The following CDKN2B-AS1 variants were observed in gnomAD, a reference collection of about 807,000 sequenced individuals.
The protein encoded by CDKN2B-AS1 is CDKN2B antisense RNA 1 (non-protein coding).
intron 1 of CDKN2B-AS1, among the ~76,000 whole-genome samples, chr9:22,022,391 C>G (rs1463231641): frequency 6.6e-6 from 1 of 151,940 alleles, no homozygotes; most frequent in African/African-American, 2.4e-5. Context: ...GAATTGAACC[C>G]TTTACCATTA....
chr9:22,125,445 C>G (rs1386490362), intron 4 of CDKN2B-AS1, among the ~76,000 whole-genome samples: 8 of 152,196 alleles, frequency 5.3e-5, no homozygotes. Flanking sequence ...TCATTTCATT[C>G]CAAATTTATG....
intron 4 of CDKN2B-AS1, among the ~76,000 whole-genome samples, chr9:22,105,829 G>C (rs942571648): frequency 6.6e-6 from 1 of 152,218 alleles, no homozygotes; most frequent in African/African-American, 2.4e-5. Flanking sequence ...AACAGATTAG[G>C]AGCATGATGT....
intron 3 of CDKN2B-AS1, among the ~76,000 whole-genome samples, chr9:22,053,624 C>G (rs1225502137): frequency 6.6e-6 from 1 of 152,180 alleles, no homozygotes; most frequent in Non-Finnish European, 1.5e-5. Flanking sequence ...TGACTTCTTT[C>G]TACCACTTTC....
chr9:22,050,978 G>C (rs1002207026), intron 3 of CDKN2B-AS1, among the ~76,000 whole-genome samples: 2 of 152,122 alleles, frequency 1.3e-5, no homozygotes, highest in African/African-American at 4.8e-5. Flanking sequence ...TGGTTCCATG[G>C]TGTTTGAAAT....
In CDKN2B-AS1 at chr9:22,005,871, G is replaced by A. The variant is rs774265225; in HGVS notation, n.29+10710G>A. 2.0e-5 allele frequency: 27 copies of A among 1,376,272 alleles called. No homozygotes were observed. The highest frequency in any genetic ancestry group is 2.0e-5 in the Non-Finnish European group (20 of 1,003,774). The allele number at this position is 1,376,272 out of a possible 1,614,324, so 85.3% of individuals were successfully genotyped here. A position where few individuals can be genotyped will look rare whatever the true frequency, so the allele number is the denominator to read the frequency against. On this transcript the variant is annotated intron_variant and non_coding_transcript_variant, in intron 1 of 4. Transcript: ENST00000650946. This position sits in a 1 kb window ranked among gnomAD's most constrained non-coding sequence, Gnocchi z 4.9. The stretch of plus-strand genomic sequence containing the variant: ...CTTCCTGTGAGTCTCAGACAGGCTT[G>A]CAGGCTTACAGGCTTTCCGCCGCTC...
intron 4 of CDKN2B-AS1, chr9:22,120,181 C>T (rs1826061648): frequency 6.6e-6 from 1 of 152,086 alleles, no homozygotes; most frequent in Non-Finnish European, 1.5e-5. Context: ...TTATTCTTTC[C>T]TTGTCTCGTT....
intron 4 of CDKN2B-AS1, among the ~76,000 whole-genome samples, chr9:22,062,607 G>GGTA (rs1460502185): frequency 1.3e-5 from 2 of 152,096 alleles, no homozygotes; most frequent in African/African-American, 4.8e-5. Context: ...GGGGTTCTGA[G>GGTA]GTAGTCTCTG....
Position 22,005,560 on chromosome 9 carries a change from T to G in CDKN2B-AS1, n.29+10399T>G. On this transcript the variant is annotated intron_variant and non_coding_transcript_variant, in intron 1 of 4. Transcript: ENST00000650946. The surrounding 1 kb of genome is among the most constrained non-coding windows in gnomAD (Gnocchi z 4.9). The stretch of plus-strand genomic sequence containing the variant: ...CATAACTCCTCAGCAGACATTGGAG[T>G]GAACGCATCGACTGCCGTCACCCAA... 1 of 384,714 alleles carries G rather than the reference T, an allele frequency of 2.6e-6. No individual in the cohort carries two copies. Among genetic ancestry groups the G allele is most frequent in the Non-Finnish European group, 4.8e-6 (1 of 206,878 alleles). 23.8% of individuals were successfully genotyped at this position (384,714 alleles called of 1,614,324 possible).
exon 5 of CDKN2B-AS1, among the ~76,000 whole-genome samples, chr9:22,127,157 C>T (rs1017419870): frequency 6.6e-6 from 1 of 152,148 alleles, no homozygotes; most frequent in Non-Finnish European, 1.5e-5. Context: ...TCTCGGCTCA[C>T]TGCAACCTCT....
At chr9:22,025,162 A>G (rs1822179621) in intron 1 of CDKN2B-AS1, among the ~76,000 whole-genome samples, 1 of 152,124 alleles carries the variant, frequency 6.6e-6, no homozygotes, top group South Asian at 2.1e-4. Context: ...GCTCCACCCC[A>G]GAGAGATGTG....
intron 4 of CDKN2B-AS1, chr9:22,112,032 A>C (rs1250675397): frequency 3.9e-5 from 6 of 152,190 alleles, no homozygotes; most frequent in Non-Finnish European, 8.8e-5. Context: ...TTTTCCCACC[A>C]CAGTAAGTAT....
chr9:22,098,157 CTG>C (rs35998780), intron 4 of CDKN2B-AS1, among the ~76,000 whole-genome samples: 4,650 of 145,638 alleles, frequency 0.032, 76 homozygotes, highest in African/African-American at 0.049. Context: ...CTCTCTGTCT[CTG>C]TGTGTGTGTG....
intron 1 of CDKN2B-AS1, among the ~76,000 whole-genome samples, chr9:22,018,396 G>A (rs375572753): frequency 1.3e-5 from 2 of 151,682 alleles, no homozygotes; most frequent in Admixed American, 6.6e-5. Context: ...GGTGGCTCAC[G>A]CCTGTAATCC....
rs560966949 is a variant in CDKN2B-AS1, at chr9:22,039,732, C to A, written n.30-7019C>A. 6.6e-6 allele frequency among the ~76,000 whole-genome samples: 1 copy of A among 152,148 alleles called. No individual in the cohort carries two copies. The highest frequency in any genetic ancestry group is 2.1e-4 in the South Asian group (1 of 4,830). ...TCTGACCTCTCAGCTCCTAAATAAACTTTGCCAAATCTTCAGGCCCTCAAA... is the reference window on the plus strand; with the variant it reads ...TCTGACCTCTCAGCTCCTAAATAAAATTTGCCAAATCTTCAGGCCCTCAAA... On this transcript the variant is annotated intron_variant and non_coding_transcript_variant, in intron 1 of 4. Coordinates refer to ENST00000650946, the Ensembl canonical transcript of CDKN2B-AS1. This position sits in a 1 kb window ranked among gnomAD's most constrained non-coding sequence, Gnocchi z 4.4.
At chr9:22,106,963 A>G (rs1825676238) in intron 4 of CDKN2B-AS1, among the ~76,000 whole-genome samples, 1 of 152,220 alleles carries the variant, frequency 6.6e-6, no homozygotes, top group African/African-American at 2.4e-5. Context: ...CAGGATTCGA[A>G]CCAAGGTAAT....
At chr9:22,009,068 C>A in intron 1 of CDKN2B-AS1, 1 of 1,475,934 alleles carries the variant, frequency 6.8e-7, no homozygotes, top group Non-Finnish European at 9.4e-7. Context: ...TCCTAGGAGA[C>A]CTGGGCTCAG....
Position 22,039,508 on chromosome 9 carries a change from A to AATATTT in CDKN2B-AS1, n.30-7242_30-7237dup, listed in dbSNP as rs1822817949. Among the ~76,000 whole-genome samples, 1 of 151,984 alleles carries AATATTT rather than the reference A, an allele frequency of 6.6e-6. No homozygotes were observed. The highest frequency in any genetic ancestry group is 2.1e-4 in the South Asian group (1 of 4,834). ...TCTGTGTGGATAGCATTGTTGTTGT[A>AATATTT]ATATTTTGACTGTAAGCTTCTAGGA... is the stretch of plus-strand genomic sequence containing the variant. On this transcript the variant is annotated intron_variant and non_coding_transcript_variant, in intron 1 of 4. Coordinates refer to ENST00000650946, the Ensembl canonical transcript of CDKN2B-AS1. This position sits in a 1 kb window ranked among gnomAD's most constrained non-coding sequence, Gnocchi z 4.4.
At chr9:22,104,235 T>C (rs1196416597) in intron 4 of CDKN2B-AS1, among the ~76,000 whole-genome samples, 1 of 152,168 alleles carries the variant, frequency 6.6e-6, no homozygotes, top group Non-Finnish European at 1.5e-5. Flanking sequence ...GGAATGACAT[T>C]GTAAAGATTA....
intron 4 of CDKN2B-AS1, among the ~76,000 whole-genome samples, chr9:22,082,855 G>T (rs1323398044): frequency 3.9e-5 from 6 of 152,038 alleles, no homozygotes. Context: ...CATATAATCA[G>T]GTGTAAGCCA....
Sources: allele counts gnomAD v4.1 joint callset (sites outside exome capture counted in the v4.1 genomes callset), GRCh38; gene constraint gnomAD v4.1.1; non-coding constraint Gnocchi (gnomAD v3.1); transcripts MANE v1.5; gene names NCBI Gene and HGNC (gene_info 2026-07-23, HGNC 2026-07-21).